Variants in KIFAP3 observed in about 807,000 individuals in gnomAD.
The protein encoded by KIFAP3 is kinesin-associated protein 3.
A neutral mutation model predicts 106.5 loss-of-function variants in KIFAP3; 68 were observed. The ratio of observed to expected loss-of-function variants is 0.64; its 90% CI spans 0.53 to 0.78. The LOEUF is 0.78. Among genes scored for constraint, KIFAP3 ranks in the 30% least tolerant of loss-of-function variants. The pLI, the probability that KIFAP3 is intolerant of heterozygous loss-of-function variation, is 0.00. For missense variants in KIFAP3, 780 were observed against 941.8 expected, an observed-to-expected ratio of 0.83 and a Z score of 2.25; for synonymous variants, 320 against 311.5, an observed-to-expected ratio of 1.03 and a Z score of -0.29.
chr1:169,962,289 A>G (rs1012606819), intron 17 of KIFAP3, among the ~76,000 whole-genome samples: 1 of 152,226 alleles, frequency 6.6e-6, no homozygotes, highest in Non-Finnish European at 1.5e-5. Context: ...AACACTTGTC[A>G]GAAAGAAAGT....
At chr1:170,013,133 G>A (rs1378725768) in intron 10 of KIFAP3, among the ~76,000 whole-genome samples, 1 of 152,078 alleles carries the variant, frequency 6.6e-6, no homozygotes, top group Non-Finnish European at 1.5e-5. Flanking sequence ...GCCATCCCCA[G>A]AGCCTGCATC....
upstream of KIFAP3, among the ~76,000 whole-genome samples, chr1:170,076,863 G>A (rs758972630): frequency 6.6e-6 from 1 of 152,214 alleles, no homozygotes; most frequent in Non-Finnish European, 1.5e-5. Context: ...GAAAAGAAAT[G>A]TTACTTTACA....
intron 2 of KIFAP3, among the ~76,000 whole-genome samples, chr1:170,047,296 T>C (rs1404935751): frequency 6.6e-6 from 1 of 151,684 alleles, no homozygotes; most frequent in East Asian, 1.9e-4. Flanking sequence ...GTTGTTCTGG[T>C]GGTAACTATA....
chr1:170,045,267 C>CTT (rs1670184621), intron 3 of KIFAP3, among the ~76,000 whole-genome samples: 2 of 152,070 alleles, frequency 1.3e-5, no homozygotes, highest in Admixed American at 6.6e-5. Flanking sequence ...AAAAATGTTA[C>CTT]TTTCAACAGA....
At chr1:169,999,032 G>C (rs1313732647) in intron 10 of KIFAP3, among the ~76,000 whole-genome samples, 1 of 152,142 alleles carries the variant, frequency 6.6e-6, no homozygotes, top group Non-Finnish European at 1.5e-5. Flanking sequence ...AAGACTCTTT[G>C]GCAGCCAACA....
intron 5 of KIFAP3, among the ~76,000 whole-genome samples, chr1:170,037,702 C>CG (rs879864205): frequency 6.6e-6 from 1 of 151,968 alleles, no homozygotes; most frequent in Admixed American, 6.6e-5. Context: ...TGCAGTGAGC[C>CG]AAAGGTTGCA....
At chr1:169,986,304 GTTAAA>G (rs1666826514) in intron 11 of KIFAP3, among the ~76,000 whole-genome samples, 2 of 151,860 alleles carry the variant, frequency 1.3e-5, no homozygotes, top group African/African-American at 4.8e-5. Flanking sequence ...ATTAAATTTG[GTTAAA>G]TTAAATTAAA....
chr1:169,993,721 C>T (rs897080947), intron 10 of KIFAP3, among the ~76,000 whole-genome samples: 2 of 152,212 alleles, frequency 1.3e-5, no homozygotes, highest in Non-Finnish European at 1.5e-5. Context: ...CCTGTCTCTA[C>T]TAAAAATATA....
At chr1:169,954,553 A>C (rs999441353) in intron 18 of KIFAP3, among the ~76,000 whole-genome samples, 12 of 152,220 alleles carry the variant, frequency 7.9e-5, no homozygotes, top group African/African-American at 2.7e-4. Flanking sequence ...TCACAGCTTT[A>C]TTAGTGTAGC....
intron 1 of KIFAP3, among the ~76,000 whole-genome samples, chr1:170,073,412 C>T (rs965717128): frequency 7.9e-5 from 12 of 152,212 alleles, no homozygotes; most frequent in Admixed American, 3.9e-4. Context: ...TCTACTAACA[C>T]TTGGAAGATC....
intron 1 of KIFAP3, among the ~76,000 whole-genome samples, chr1:170,058,780 A>C (rs964158305): frequency 6.6e-6 from 1 of 152,060 alleles, no homozygotes; most frequent in Non-Finnish European, 1.5e-5. Flanking sequence ...TAGGGCAAAG[A>C]AGCAAAAAAT....
At chr1:170,072,854 GT>G (rs1313806152) in intron 1 of KIFAP3, among the ~76,000 whole-genome samples, 1 of 152,044 alleles carries the variant, frequency 6.6e-6, no homozygotes, top group East Asian at 1.9e-4. Flanking sequence ...ATTATTTATA[GT>G]AAAAATTAGA....
chr1:169,941,963 T>C (rs1013310094), intron 19 of KIFAP3, among the ~76,000 whole-genome samples: 3 of 152,210 alleles, frequency 2.0e-5, no homozygotes, highest in South Asian at 4.1e-4. Context: ...TTCTATTGAT[T>C]TATTCAACAT....
intron 10 of KIFAP3, among the ~76,000 whole-genome samples, chr1:170,013,184 G>GT (rs1668329389): frequency 6.6e-6 from 1 of 152,076 alleles, no homozygotes; most frequent in Admixed American, 6.6e-5. Flanking sequence ...TTCCAGAACT[G>GT]TGAGTAATAA....
intron 19 of KIFAP3, among the ~76,000 whole-genome samples, chr1:169,926,459 T>G (rs1224094642): frequency 6.6e-6 from 1 of 152,140 alleles, no homozygotes. Flanking sequence ...GAATAAAAGA[T>G]CCTATATCTG....
At chr1:170,010,221 A>G (rs1359281622) in intron 10 of KIFAP3, among the ~76,000 whole-genome samples, 1 of 152,016 alleles carries the variant, frequency 6.6e-6, no homozygotes, top group African/African-American at 2.4e-5. Context: ...AGGAATATTC[A>G]TATATAAGGT....
At chr1:170,062,214 T>C (rs1415965539) in intron 1 of KIFAP3, among the ~76,000 whole-genome samples, 21 of 88,740 alleles carry the variant, frequency 2.4e-4, no homozygotes, top group Non-Finnish European at 4.7e-4. Flanking sequence ...TGAGATACCA[T>C]CAAAAAAAAA....
intron 10 of KIFAP3, among the ~76,000 whole-genome samples, chr1:170,009,956 TG>T (rs1158338620): frequency 1.3e-5 from 2 of 152,138 alleles, no homozygotes; most frequent in Non-Finnish European, 2.9e-5. Flanking sequence ...AGCCAAGTTT[TG>T]TAAGTCCAAT....
At chr1:170,011,566 T>A (rs1307874793) in intron 10 of KIFAP3, among the ~76,000 whole-genome samples, 2 of 151,846 alleles carry the variant, frequency 1.3e-5, no homozygotes, top group Admixed American at 1.3e-4. Flanking sequence ...CATATACACA[T>A]TACATACACA....
Sources: allele counts gnomAD v4.1 joint callset (sites outside exome capture counted in the v4.1 genomes callset), GRCh38; gene constraint gnomAD v4.1.1; transcripts MANE v1.5; gene names NCBI Gene and HGNC (gene_info 2026-07-23, HGNC 2026-07-21).